Variants in PITPNA observed in about 807,000 individuals in gnomAD.
PITPNA encodes the protein phosphatidylinositol transfer protein alpha isoform.
PITPNA carries 13 observed loss-of-function variants against 50.3 expected under a neutral mutation model. The ratio of observed to expected loss-of-function variants is 0.26; its 90% CI spans 0.17 to 0.41. The LOEUF (loss-of-function observed/expected upper bound fraction) is 0.41. PITPNA is among the 10% of genes least tolerant of loss of function. PITPNA has a pLI of 1.00. For missense variants in PITPNA, 207 were observed against 333.4 expected (o/e 0.62, Z 2.95); for synonymous variants, 120 against 119.6 (o/e 1.00, Z -0.02).
intron 10 of PITPNA, among the ~76,000 whole-genome samples, chr17:1,522,831 C>T (rs1001105382): frequency 7.2e-5 from 11 of 152,148 alleles, no homozygotes; most frequent in African/African-American, 2.4e-4. Context: ...GTGGGCTGCT[C>T]GGATACAGAA....
At chr17:1,526,348 G>A (rs544435231) in intron 10 of PITPNA, among the ~76,000 whole-genome samples, 2 of 152,346 alleles carry the variant, frequency 1.3e-5, no homozygotes, top group African/African-American at 4.8e-5. Flanking sequence ...ACAGAAAGGA[G>A]AGCTGTGATG....
At position 1,548,279 on chromosome 17, in the gene PITPNA, G is replaced by T. The variant is rs374357928; in HGVS notation, c.289+17C>A. 1.0e-4 allele frequency: 159 copies of T among 1,557,238 alleles called. No individual in the cohort carries two copies. The highest frequency in any genetic ancestry group is 1.2e-4 in the Non-Finnish European group (138 of 1,142,022). On this transcript the variant is annotated intron_variant, in intron 4 of 11. Coordinates refer to ENST00000313486, the MANE Select transcript of PITPNA (RefSeq NM_006224.4). ...TGCCCGCCCCTGCCTGGCCGACGTG[G>T]CCCCGGCTGCACTCACCGGTTCTGC... is the stretch of plus-strand genomic sequence containing the variant.
At chr17:1,526,860 G>A (rs1488395280) in intron 10 of PITPNA, among the ~76,000 whole-genome samples, 2 of 152,174 alleles carry the variant, frequency 1.3e-5, no homozygotes. Context: ...TGCCTCCCGG[G>A]TTCAAGTGAT....
rs2075775429 is a variant in PITPNA at position 1,562,776 on chromosome 17, GT to G, written c.-217del. ...GCTGCCGACGCCGCCCGGAGCTCCGGTTCCGCAGCGCCGCGCGGGGGCGGGG... is the reference window on the plus strand; with the variant it reads ...GCTGCCGACGCCGCCCGGAGCTCCGGTCCGCAGCGCCGCGCGGGGGCGGGG... On this transcript the variant is annotated 5_prime_UTR_variant, in exon 1 of 12. Transcript: ENST00000313486. The surrounding 1 kb of genome is among the most constrained non-coding windows in gnomAD (Gnocchi z 6.4). 1 of 159,498 alleles carries G rather than the reference GT, an allele frequency of 6.3e-6. No individual in the cohort carries two copies. Among genetic ancestry groups the G allele is most frequent in the Non-Finnish European group, 1.3e-5 (1 of 74,228 alleles). The allele number at this position is 159,498 out of a possible 1,614,324, so 9.9% of individuals were successfully genotyped here. A position where few individuals can be genotyped will look rare whatever the true frequency, so the allele number is the denominator to read the frequency against.
rs1389563490 is a variant in PITPNA, at chr17:1,538,901, C to CTA, written c.422_423dup (p.Asp142Ter). ...AGCACTTGGCTTCGATCTGCAATGT[C>CTA]TATATATACGGCTTCCACGTGTTTC... is the stretch of plus-strand genomic sequence containing the variant. On this transcript the variant is annotated frameshift_variant, in exon 7 of 12. Transcript: ENST00000313486. LOFTEE classifies it high-confidence loss of function. 1 of 1,613,842 alleles carries CTA rather than the reference C, an allele frequency of 6.2e-7. No individual in the cohort carries two copies. The highest frequency in any genetic ancestry group is 1.1e-5 in the South Asian group (1 of 91,072).
At chr17:1,539,059 G>A in intron 6 of PITPNA, 107 bp from the exon 7 acceptor site, 1 of 650,392 alleles carries the variant, frequency 1.5e-6, no homozygotes, top group Non-Finnish European at 2.8e-6. Context: ...ACAGATGTAA[G>A]ATTCCTAATG....
intron 10 of PITPNA, among the ~76,000 whole-genome samples, chr17:1,529,729 C>T (rs1276805303): frequency 1.3e-5 from 2 of 151,728 alleles, no homozygotes; most frequent in African/African-American, 4.8e-5. Context: ...GTGGCGGGCA[C>T]CTGTAGTCCC....
chr17:1,554,686 C>T (rs1180105216), intron 2 of PITPNA, among the ~76,000 whole-genome samples: 1 of 152,184 alleles, frequency 6.6e-6, no homozygotes, highest in Non-Finnish European at 1.5e-5. Context: ...AGGCAGCTTC[C>T]TAAGCACTGC....
At chr17:1,526,054 G>A (rs2075545943) in intron 10 of PITPNA, among the ~76,000 whole-genome samples, 1 of 152,202 alleles carries the variant, frequency 6.6e-6, no homozygotes. Context: ...CCTTGAAGAT[G>A]TGGCCAGTTA....
At position 1,562,442 on chromosome 17, in the gene PITPNA, T is replaced by A. The variant is rs1489197935; in HGVS notation, c.20+99A>T. The A allele has an allele frequency of 2.1e-6, 2 of 946,592 alleles. No homozygotes were observed. The highest frequency in any genetic ancestry group is 8.1e-5 in the East Asian group (2 of 24,642). 58.6% of individuals were successfully genotyped at this position (946,592 alleles called of 1,614,324 possible). A position where few individuals can be genotyped will look rare whatever the true frequency, so the allele number is the denominator to read the frequency against. ...AGGCACCCTCCGTCCCTGCTGCCCC[T>A]CCGTCCATCCGGGCCCTGCGTCCCT... On this transcript the variant is annotated intron_variant, in intron 1 of 11. Coordinates refer to ENST00000313486, the MANE Select transcript of PITPNA (RefSeq NM_006224.4). This position sits in a 1 kb window ranked among gnomAD's most constrained non-coding sequence, Gnocchi z 6.4.
At chr17:1,560,836 A>G (rs1232350310) in intron 1 of PITPNA, among the ~76,000 whole-genome samples, 1 of 152,098 alleles carries the variant, frequency 6.6e-6, no homozygotes, top group African/African-American at 2.4e-5. Context: ...AACAGAGGGG[A>G]TGAGGCCTCA....
chr17:1,549,863 T>A (rs1567585278), intron 3 of PITPNA, among the ~76,000 whole-genome samples: 1 of 151,354 alleles, frequency 6.6e-6, no homozygotes, highest in Non-Finnish European at 1.5e-5. Flanking sequence ...TTGGTAGAGA[T>A]GGGGTTTTGT....
chr17:1,556,713 G>C (rs1157634294), intron 2 of PITPNA, among the ~76,000 whole-genome samples: 2 of 152,302 alleles, frequency 1.3e-5, no homozygotes, highest in East Asian at 3.9e-4. Flanking sequence ...GACGTCACTG[G>C]ACACCTCCCC....
intron 3 of PITPNA, among the ~76,000 whole-genome samples, chr17:1,551,582 C>T (rs527964860): frequency 4.6e-5 from 7 of 152,306 alleles, no homozygotes; most frequent in Non-Finnish European, 8.8e-5. Context: ...CGTGAGCCCC[C>T]GAAGCACCCG....
At chr17:1,544,460 T>C (rs2075663094) in intron 4 of PITPNA, among the ~76,000 whole-genome samples, 1 of 152,146 alleles carries the variant, frequency 6.6e-6, no homozygotes, top group Non-Finnish European at 1.5e-5. Context: ...GACCTTTTCA[T>C]GCAAACTTGG....
chr17:1,556,506 C>T (rs893220714), intron 2 of PITPNA, among the ~76,000 whole-genome samples: 1 of 152,206 alleles, frequency 6.6e-6, no homozygotes, highest in African/African-American at 2.4e-5. Flanking sequence ...ACTCCAAGAA[C>T]AGCCCCAGGT....
At chr17:1,543,288 T>A (rs979366114) in intron 4 of PITPNA, among the ~76,000 whole-genome samples, 1 of 152,154 alleles carries the variant, frequency 6.6e-6, no homozygotes, top group Admixed American at 6.5e-5. Context: ...CTTGGGATTC[T>A]TTTCAGCAGG....
chr17:1,558,100 A>T (rs9912135), intron 2 of PITPNA, among the ~76,000 whole-genome samples: 32 of 152,036 alleles, frequency 2.1e-4, no homozygotes, highest in African/African-American at 6.8e-4. Flanking sequence ...GTGTGGTGGC[A>T]CACACCTGTA....
At chr17:1,558,970 T>C (rs963413581) in intron 1 of PITPNA, among the ~76,000 whole-genome samples, 4 of 151,536 alleles carry the variant, frequency 2.6e-5, no homozygotes, top group African/African-American at 9.7e-5. Flanking sequence ...CAATGAGTCG[T>C]CCCCCCAACA....
Sources: gnomAD v4.1 joint callset for allele counts (sites outside exome capture counted in the v4.1 genomes callset) on GRCh38, gnomAD v4.1.1 for gene constraint, Gnocchi (gnomAD v3.1) non-coding constraint, MANE v1.5 for transcripts, NCBI Gene and HGNC (gene_info 2026-07-23, HGNC 2026-07-21) for gene names.